Variants in MYO5B observed in about 807,000 individuals in gnomAD.
The protein encoded by MYO5B is unconventional myosin-Vb.
MYO5B carries 143 observed loss-of-function variants against 229.3 expected under a neutral mutation model. The ratio of observed to expected loss-of-function variants is 0.62; its 90% confidence interval spans 0.54 to 0.72. MYO5B has a LOEUF of 0.72. Among genes scored for constraint, MYO5B ranks in the 30% least tolerant of loss-of-function variants. The pLI, the probability that MYO5B is intolerant of heterozygous loss-of-function variation, is 0.00. For missense variants in MYO5B, 2,321 were observed against 2,331.0 expected, an observed-to-expected ratio of 1.00 and a Z score of 0.09; for synonymous variants, 918 against 885.2, an observed-to-expected ratio of 1.04 and a Z score of -0.66.
intron 4 of MYO5B, among the ~76,000 whole-genome samples, chr18:50,004,681 T>C (rs1256618533): frequency 1.3e-5 from 2 of 152,004 alleles, no homozygotes; most frequent in Non-Finnish European, 2.9e-5. Context: ...GGCAGGAGGA[T>C]CATGAGAGCC....
At chr18:49,890,561 T>C (rs935356786) in intron 22 of MYO5B, among the ~76,000 whole-genome samples, 1 of 152,236 alleles carries the variant, frequency 6.6e-6, no homozygotes, top group African/African-American at 2.4e-5. Context: ...TCTTTACTAG[T>C]TTGTCTTTGG....
intron 27 of MYO5B, among the ~76,000 whole-genome samples, chr18:49,867,282 G>C (rs495543): frequency 6.6e-6 from 1 of 151,872 alleles, no homozygotes; most frequent in Non-Finnish European, 1.5e-5. Context: ...GGAAGTGAGT[G>C]GGAAGAAAGT....
chr18:50,146,589 C>T (rs895444519), intron 1 of MYO5B, among the ~76,000 whole-genome samples: 3 of 152,152 alleles, frequency 2.0e-5, no homozygotes, highest in South Asian at 4.1e-4. Flanking sequence ...ATATCTTTAG[C>T]GAAAAAGCAC....
In MYO5B at chr18:49,836,840, A is replaced by T. The variant is rs202159941; in HGVS notation, c.5184T>A (p.Leu1728=). Residue 1728 remains leucine, a synonymous_variant, in exon 38 of 40, where the codon CTT becomes CTA. Coordinates refer to ENST00000285039, the MANE Select transcript of MYO5B (RefSeq NM_001080467.3). ...TGGTCTGAACTGCTCCACTCTGGTGAAGGTTTCTTCCCCGAAGCCACTCCT... is the reference window on the plus strand; with the variant it reads ...TGGTCTGAACTGCTCCACTCTGGTGTAGGTTTCTTCCCCGAAGCCACTCCT... ...QLEEWLRGRN[L]HQSGAVQTME... 256 of 1,614,036 alleles carry T rather than the reference A, an allele frequency of 1.6e-4. No individual in the cohort carries two copies. Among genetic ancestry groups the T allele is most frequent in the Non-Finnish European group, 8.5e-5 (100 of 1,180,024 alleles).
chr18:50,059,719 C>A (rs1244208483), intron 1 of MYO5B, among the ~76,000 whole-genome samples: 2 of 152,228 alleles, frequency 1.3e-5, no homozygotes, highest in African/African-American at 4.8e-5. Context: ...TGCCTCCTCA[C>A]TTTTATCTTA....
intron 1 of MYO5B, among the ~76,000 whole-genome samples, chr18:50,081,095 ATCTGC>A (rs2031209501): frequency 6.6e-6 from 1 of 152,222 alleles, no homozygotes; most frequent in African/African-American, 2.4e-5. Context: ...CCAAGAAAGC[ATCTGC>A]TCTGTTTTCT....
At chr18:49,914,478 A>C (rs2024990788) in intron 17 of MYO5B, among the ~76,000 whole-genome samples, 1 of 152,098 alleles carries the variant, frequency 6.6e-6, no homozygotes, top group Non-Finnish European at 1.5e-5. Flanking sequence ...ATGTTGTCCA[A>C]AGAAACAAGG....
At chr18:50,137,522 C>T (rs2032354108) in intron 1 of MYO5B, among the ~76,000 whole-genome samples, 1 of 152,198 alleles carries the variant, frequency 6.6e-6, no homozygotes, top group Non-Finnish European at 1.5e-5. Context: ...ACTATTGCAG[C>T]TCTGTCAATT....
intron 1 of MYO5B, among the ~76,000 whole-genome samples, chr18:50,173,630 C>T (rs941323093): frequency 3.9e-5 from 6 of 152,252 alleles, no homozygotes; most frequent in South Asian, 4.2e-4. Context: ...ATTCAAGTAA[C>T]GTTTGGAAGC....
At chr18:50,104,594 C>T (rs773615201) in intron 1 of MYO5B, among the ~76,000 whole-genome samples, 36 of 152,064 alleles carry the variant, frequency 2.4e-4, no homozygotes, top group Non-Finnish European at 4.3e-4. Context: ...TCAGGAAAGA[C>T]CTTCTTAGGT....
chr18:49,989,253 C>G (rs569069108), intron 7 of MYO5B, among the ~76,000 whole-genome samples: 1 of 152,124 alleles, frequency 6.6e-6, no homozygotes, highest in Admixed American at 6.5e-5. Context: ...GGCAGACTTG[C>G]GCTGAAACCA....
chr18:50,045,202 GT>G (rs1362151685), intron 2 of MYO5B, among the ~76,000 whole-genome samples: 4 of 152,114 alleles, frequency 2.6e-5, no homozygotes, highest in African/African-American at 9.7e-5. Flanking sequence ...AAGAAATTTC[GT>G]TGTAAGCAAT....
intron 31 of MYO5B, chr18:49,849,917 T>C (rs2024178260): frequency 2.0e-6 from 1 of 491,704 alleles, no homozygotes; most frequent in Non-Finnish European, 3.7e-6. Context: ...CTCTGGCGCC[T>C]TGCTGAATCC....
At chr18:50,114,527 C>G (rs1362584320) in intron 1 of MYO5B, among the ~76,000 whole-genome samples, 1 of 152,178 alleles carries the variant, frequency 6.6e-6, no homozygotes, top group Non-Finnish European at 1.5e-5. Flanking sequence ...GTAACTTAGG[C>G]CTTGGAGAGA....
intron 20 of MYO5B, 136 bp downstream of exon 20, chr18:49,904,536 T>C (rs2024877384): frequency 9.5e-7 from 1 of 1,057,440 alleles, no homozygotes; most frequent in Non-Finnish European, 1.4e-6. Flanking sequence ...CAGAAAGGAT[T>C]TGGTGAGAGC....
At chr18:49,983,652 A>G (rs2025839935) in intron 8 of MYO5B, among the ~76,000 whole-genome samples, 1 of 152,150 alleles carries the variant, frequency 6.6e-6, no homozygotes. Flanking sequence ...TTTTGTAGTC[A>G]ATCACCTGCT....
chr18:49,889,300 G>A (rs763306239), intron 22 of MYO5B, among the ~76,000 whole-genome samples: 20 of 152,140 alleles, frequency 1.3e-4, no homozygotes, highest in Non-Finnish European at 2.1e-4. Context: ...ATGACTTCAG[G>A]AGCACCTTTA....
chr18:50,072,045 A>T (rs1027490566), intron 1 of MYO5B, among the ~76,000 whole-genome samples: 1 of 152,212 alleles, frequency 6.6e-6, no homozygotes, highest in Non-Finnish European at 1.5e-5. Flanking sequence ...GAAGTCATCA[A>T]GGTCTCCTTG....
rs765664405 is a variant in MYO5B, at chr18:49,853,515, G to A, written c.4155C>T (p.Leu1385=). 7 of 1,614,068 alleles carry A rather than the reference G, an allele frequency of 4.3e-6. No homozygotes were observed. Among genetic ancestry groups the A allele is most frequent in the Non-Finnish European group, 8.5e-7 (1 of 1,180,052 alleles). Residue 1385 remains leucine (L), a synonymous_variant, in exon 31 of 40, where the codon CTC becomes CTT. Coordinates refer to ENST00000285039, the MANE Select transcript of MYO5B (RefSeq NM_001080467.3). The stretch of plus-strand genomic sequence containing the variant: ...CGAATTCCACCTGGGCCTCTGGGGA[G>A]AGCAGTAGCGTCTGGCAGAAGGTCT... ...QQQTFCQTLL[L]SPEAQVEFGV... is the part of the protein sequence containing the mutation.
Sources: allele counts gnomAD v4.1 joint callset (sites outside exome capture counted in the v4.1 genomes callset), GRCh38; gene constraint gnomAD v4.1.1; transcripts MANE v1.5; gene names NCBI Gene and HGNC (gene_info 2026-07-23, HGNC 2026-07-21).